Variants in GABRB1 observed in about 807,000 individuals in gnomAD.
GABRB1 encodes the protein gamma-aminobutyric acid type A receptor subunit beta1.
In GABRB1, 17 loss-of-function variants were observed where a neutral mutation model predicts 51.6. That is an observed-to-expected ratio of 0.33 (90% CI 0.23 to 0.49). GABRB1 has a LOEUF of 0.49. GABRB1 is among the 20% of genes least tolerant of loss of function. The pLI is 0.99. For missense variants in GABRB1, 410 were observed against 600.6 expected (o/e 0.68, Z 3.32); for synonymous variants, 247 against 218.9 (o/e 1.13, Z -1.14).
At chr4:47,243,919 T>C (rs1376995419) in intron 4 of GABRB1, among the ~76,000 whole-genome samples, 3 of 152,208 alleles carry the variant, frequency 2.0e-5, no homozygotes, top group East Asian at 1.9e-4. Context: ...TCCAACTCTA[T>C]GTTGAATAGG....
intron 4 of GABRB1, among the ~76,000 whole-genome samples, chr4:47,271,915 C>G (rs1222695110): frequency 2.6e-5 from 4 of 151,824 alleles, no homozygotes; most frequent in African/African-American, 9.7e-5. Context: ...GATCTAGGTT[C>G]TAAACAATTA....
At chr4:47,359,532 A>G (rs1006020953) in intron 5 of GABRB1, among the ~76,000 whole-genome samples, 1 of 152,140 alleles carries the variant, frequency 6.6e-6, no homozygotes, top group Non-Finnish European at 1.5e-5. Flanking sequence ...GAAGAAAAAA[A>G]TGACCCAAAG....
chr4:47,297,910 TC>T (rs1724073072), intron 4 of GABRB1, among the ~76,000 whole-genome samples: 1 of 152,178 alleles, frequency 6.6e-6, no homozygotes, highest in African/African-American at 2.4e-5. Flanking sequence ...GTGGGCTTCA[TC>T]CCTGGGATGC....
chr4:47,242,719 T>C (rs1721573839), intron 4 of GABRB1, among the ~76,000 whole-genome samples: 3 of 152,344 alleles, frequency 2.0e-5, no homozygotes, highest in Admixed American at 2.0e-4. Flanking sequence ...CTTTGCCCAC[T>C]TTTTGATGGG....
chr4:47,238,966 A>G (rs1283557715), intron 4 of GABRB1, among the ~76,000 whole-genome samples: 7 of 152,218 alleles, frequency 4.6e-5, no homozygotes, highest in Non-Finnish European at 7.3e-5. Context: ...ACAGACATTC[A>G]TGGTCAATGA....
intron 3 of GABRB1, among the ~76,000 whole-genome samples, chr4:47,113,473 T>G (rs564380264): frequency 6.6e-6 from 1 of 152,060 alleles, no homozygotes; most frequent in African/African-American, 2.4e-5. Flanking sequence ...GAACCATATG[T>G]TAAACAATAA....
chr4:47,425,377 CCACACA>C (rs34275303), intron 8 of GABRB1, among the ~76,000 whole-genome samples: 247 of 138,388 alleles, frequency 1.8e-3, no homozygotes, highest in Middle Eastern at 7.0e-3. Context: ...AGAAGAAATA[CCACACA>C]CACACACACA....
intron 5 of GABRB1, among the ~76,000 whole-genome samples, chr4:47,365,960 T>C (rs77398063): frequency 0.047 from 7,198 of 152,286 alleles, 268 homozygotes; most frequent in East Asian, 0.15. Context: ...GAGTTGTAAA[T>C]AGCCCTTTGA....
In GABRB1 at chr4:47,403,474, A is replaced by G. The variant is rs765383550; in HGVS notation, c.682+19A>G. The G allele has an allele frequency of 1.4e-5, 23 of 1,613,648 alleles. No homozygotes were observed. The highest frequency in any genetic ancestry group is 1.2e-4 in the South Asian group (11 of 91,004). Reference sequence around the variant, plus strand: ...ACAACAGGTGAGGTTGTTTCCCCCAAAATGTACTAGGGGTGCTGTGAAAGG... The same window carrying G: ...ACAACAGGTGAGGTTGTTTCCCCCAGAATGTACTAGGGGTGCTGTGAAAGG... On this transcript the variant is annotated intron_variant, in intron 6 of 8. Transcript: ENST00000295454.
chr4:47,268,503 T>G (rs1265683678), intron 4 of GABRB1, among the ~76,000 whole-genome samples: 1 of 152,206 alleles, frequency 6.6e-6, no homozygotes, highest in African/African-American at 2.4e-5. Context: ...ATCATTAAAA[T>G]GAAATTTGAT....
intron 3 of GABRB1, among the ~76,000 whole-genome samples, chr4:47,138,509 C>T (rs1217117130): frequency 1.3e-5 from 2 of 151,990 alleles, no homozygotes; most frequent in Admixed American, 6.6e-5. Context: ...TTTTATTAGC[C>T]TGGCCAGAGT....
At chr4:47,244,175 A>C (rs1323088595) in intron 4 of GABRB1, among the ~76,000 whole-genome samples, 3 of 152,004 alleles carry the variant, frequency 2.0e-5, no homozygotes, top group Non-Finnish European at 4.4e-5. Flanking sequence ...TGTTTATATG[A>C]TGGATTACTT....
At chr4:47,214,930 T>G (rs1299052036) in intron 4 of GABRB1, among the ~76,000 whole-genome samples, 4 of 152,214 alleles carry the variant, frequency 2.6e-5, no homozygotes, top group African/African-American at 7.2e-5. Flanking sequence ...AAGACCATAT[T>G]TCTCAGCTTC....
chr4:47,022,777 A>C (rs1351534859), intron 1 of GABRB1, among the ~76,000 whole-genome samples: 1 of 152,082 alleles, frequency 6.6e-6, no homozygotes, highest in Non-Finnish European at 1.5e-5. Context: ...CAATTCCTCA[A>C]ACTAAAAATT....
chr4:47,185,371 T>C (rs889812612), intron 4 of GABRB1, among the ~76,000 whole-genome samples: 1 of 151,848 alleles, frequency 6.6e-6, no homozygotes, highest in Non-Finnish European at 1.5e-5. Context: ...AAATTTCTGA[T>C]AGGACCCAAG....
rs530767211 is a variant in GABRB1 at position 47,406,743 on chromosome 4, G to A, written c.897G>A (p.Lys299=). The change falls in exon 8 of 9, where the codon AAG becomes AAA. Residue 299 remains lysine, a synonymous_variant. Transcript: ENST00000295454. ...ISTHLRETLP[K]IPYVKAIDIY... ...CCCACCTCAGGGAGACCCTGCCAAA[G>A]ATCCCTTATGTCAAAGCGATTGATA... 64 of 1,614,158 alleles carry A rather than the reference G, an allele frequency of 4.0e-5. 1 individual carries two copies. In the South Asian group the frequency reaches 6.5e-4, roughly 16 times the overall value.
intron 5 of GABRB1, among the ~76,000 whole-genome samples, chr4:47,332,722 A>G (rs1017458008): frequency 1.3e-5 from 2 of 151,832 alleles, no homozygotes; most frequent in Non-Finnish European, 2.9e-5. Context: ...GTTGCCATGC[A>G]TTGTTTTTTT....
chr4:47,401,643 G>A (rs1728389235), intron 5 of GABRB1, among the ~76,000 whole-genome samples: 2 of 152,194 alleles, frequency 1.3e-5, no homozygotes, highest in South Asian at 4.1e-4. Context: ...GCTGGGCTTA[G>A]GAGAGGTAAC....
chr4:47,032,677 C>T (rs1222065574), intron 3 of GABRB1, 193 bp downstream of exon 3: 2 of 717,604 alleles, frequency 2.8e-6, no homozygotes, highest in Non-Finnish European at 5.2e-6. Context: ...CGGGCTACTG[C>T]GGTGTTCCAG....
Sources: allele counts gnomAD v4.1 joint callset (sites outside exome capture counted in the v4.1 genomes callset), GRCh38; gene constraint gnomAD v4.1.1; transcripts MANE v1.5; gene names NCBI Gene and HGNC (gene_info 2026-07-23, HGNC 2026-07-21).